The following SSH2 variants were observed in gnomAD, a reference collection of about 807,000 sequenced individuals.
The protein encoded by SSH2 is protein phosphatase Slingshot homolog 2.
Under a neutral mutation model 135.2 loss-of-function variants are expected in SSH2, and 37 were observed. The observed-to-expected ratio is 0.27, with a 90% CI of 0.21 to 0.36. The LOEUF is 0.36. Ranked by LOEUF, SSH2 falls within the 10% of genes least tolerant of loss-of-function variation. The probability of loss-of-function intolerance (pLI) is 1.00; values close to 1 mark genes in which losing one functional copy is unlikely to be tolerated. For missense variants in SSH2, 1,408 were observed against 1,765.3 expected, an observed-to-expected ratio of 0.80 and a Z score of 3.63; for synonymous variants, 628 against 646.2, an observed-to-expected ratio of 0.97 and a Z score of 0.43.
chr17:29,805,587 T>C (rs1027145876), intron 2 of SSH2, among the ~76,000 whole-genome samples: 1 of 152,204 alleles, frequency 6.6e-6, no homozygotes, highest in Non-Finnish European at 1.5e-5. Context: ...AAGGCGGATG[T>C]GTTTATCAGC....
At chr17:29,802,426 A>G (rs2042265420) in intron 2 of SSH2, among the ~76,000 whole-genome samples, 1 of 152,246 alleles carries the variant, frequency 6.6e-6, no homozygotes, top group Non-Finnish European at 1.5e-5. Flanking sequence ...TGGTGTTGGG[A>G]AATCCTTCAC....
intron 3 of SSH2, among the ~76,000 whole-genome samples, chr17:29,759,518 GA>G (rs1455199639): frequency 6.6e-6 from 1 of 152,066 alleles, no homozygotes; most frequent in Non-Finnish European, 1.5e-5. Context: ...TCCATCCCCA[GA>G]ATTTTTTCAT....
rs535906753 is a variant in SSH2, at chr17:29,663,279, G to A, written c.1032+3588C>T. On this transcript the variant is annotated intron_variant, in intron 11 of 15. Transcript: ENST00000540801. The stretch of plus-strand genomic sequence containing the variant: ...CTGTTGCCTCTCTTTACTCAATCTG[G>A]TTGAGCTCCAGGCATGGCAGCTATG... Among the ~76,000 whole-genome samples, 5 of 152,320 alleles carry A rather than the reference G, an allele frequency of 3.3e-5. No individual in the cohort carries two copies. In the East Asian group the frequency reaches 9.6e-4, roughly 29 times the overall value.
intron 3 of SSH2, among the ~76,000 whole-genome samples, chr17:29,706,730 C>G (rs915294895): frequency 5.9e-5 from 9 of 152,192 alleles, no homozygotes; most frequent in African/African-American, 2.2e-4. Context: ...ACTGTGGGTT[C>G]CAGTAAACAA....
chr17:29,647,420 C>T (rs1598714990), intron 14 of SSH2, among the ~76,000 whole-genome samples: 2 of 151,514 alleles, frequency 1.3e-5, no homozygotes, highest in African/African-American at 4.8e-5. Flanking sequence ...AGAATTTCAG[C>T]TAAGCCTCGC....
chr17:29,802,618 C>CAAA (rs74267073), intron 2 of SSH2, among the ~76,000 whole-genome samples: 17 of 57,310 alleles, frequency 3.0e-4, no homozygotes, highest in East Asian at 1.1e-3. Context: ...ACTGTTTCTA[C>CAAA]AAAAAAAAAA....
At chr17:29,770,047 T>C (rs2041535731) in intron 3 of SSH2, among the ~76,000 whole-genome samples, 1 of 151,788 alleles carries the variant, frequency 6.6e-6, no homozygotes, top group African/African-American at 2.4e-5. Flanking sequence ...ACACAATCAG[T>C]GTATCAGTGT....
intron 1 of SSH2, among the ~76,000 whole-genome samples, chr17:29,879,094 T>C (rs1028426614): frequency 1.3e-5 from 2 of 152,190 alleles, no homozygotes; most frequent in African/African-American, 4.8e-5. Flanking sequence ...AAGTATATGG[T>C]TTTAAAATTC....
rs1598888431 is a variant in SSH2, at chr17:29,728,083, C to T, written c.189-25021G>A. On this transcript the variant is annotated intron_variant, in intron 3 of 15. Coordinates refer to ENST00000540801, the MANE Select transcript of SSH2 (RefSeq NM_001282129.2). ...GGCCTCATGATACACCCACCCCAGC[C>T]TCCCAAAGTGCTGGGATTACAGGAA... 2.0e-5 allele frequency among the ~76,000 whole-genome samples: 3 copies of T among 152,208 alleles called. No individual in the cohort carries two copies. In the East Asian group the frequency reaches 5.8e-4, roughly 29 times the overall value.
chr17:29,748,524 G>GA (rs912949439), intron 3 of SSH2, among the ~76,000 whole-genome samples: 39 of 149,436 alleles, frequency 2.6e-4, no homozygotes, highest in Non-Finnish European at 4.3e-4. Context: ...ACCAAAAAGA[G>GA]AAAAAAAAAG....
At chr17:29,868,719 C>A (rs1461238145) in intron 1 of SSH2, among the ~76,000 whole-genome samples, 3 of 137,712 alleles carry the variant, frequency 2.2e-5, no homozygotes, top group Admixed American at 8.1e-5. Flanking sequence ...GGCTGGTCGA[C>A]AGAGCAAGAC....
chr17:29,915,175 T>G (rs2066859730), intron 1 of SSH2, among the ~76,000 whole-genome samples: 1 of 152,196 alleles, frequency 6.6e-6, no homozygotes, highest in Non-Finnish European at 1.5e-5. Context: ...TAGGATTCAA[T>G]AAAAACTGTA....
At chr17:29,792,566 A>G (rs2042087920) in intron 3 of SSH2, among the ~76,000 whole-genome samples, 1 of 152,180 alleles carries the variant, frequency 6.6e-6, no homozygotes, top group Non-Finnish European at 1.5e-5. Flanking sequence ...AACTACCGAT[A>G]ATCTCAGTTA....
intron 1 of SSH2, among the ~76,000 whole-genome samples, chr17:29,908,817 G>A (rs1054951526): frequency 4.3e-5 from 6 of 140,304 alleles, no homozygotes; most frequent in Admixed American, 3.7e-4. Flanking sequence ...GGTGGCTCAC[G>A]CCTGTAATCC....
intron 2 of SSH2, among the ~76,000 whole-genome samples, chr17:29,821,099 C>T (rs4474741): frequency 0.4 from 60,641 of 152,016 alleles, 14,599 homozygotes; most frequent in East Asian, 0.69. Context: ...TCATCAAAGA[C>T]TTGGCTCCTG....
chr17:29,666,099 C>T (rs937420441), intron 11 of SSH2, among the ~76,000 whole-genome samples: 3 of 152,102 alleles, frequency 2.0e-5, no homozygotes, highest in Non-Finnish European at 2.9e-5. Flanking sequence ...GGGCCAGGTG[C>T]GATGGCTCAT....
intron 1 of SSH2, among the ~76,000 whole-genome samples, chr17:29,870,207 T>C (rs2065916361): frequency 6.6e-6 from 1 of 151,870 alleles, no homozygotes; most frequent in Non-Finnish European, 1.5e-5. Flanking sequence ...TAATGGAATA[T>C]TATCTGAAAT....
At chr17:29,840,914 C>T (rs2043029446) in intron 2 of SSH2, among the ~76,000 whole-genome samples, 1 of 152,204 alleles carries the variant, frequency 6.6e-6, no homozygotes, top group Non-Finnish European at 1.5e-5. Context: ...AAGCTGGGCT[C>T]TGACCCAGAT....
At chr17:29,801,741 T>C (rs145434937) in intron 2 of SSH2, among the ~76,000 whole-genome samples, 1 of 152,338 alleles carries the variant, frequency 6.6e-6, no homozygotes, top group African/African-American at 2.4e-5. Context: ...TCTCACTCTG[T>C]GTTTAGCACA....
Sources: gnomAD v4.1 joint callset for allele counts (sites outside exome capture counted in the v4.1 genomes callset) on GRCh38, gnomAD v4.1.1 for gene constraint, MANE v1.5 for transcripts, NCBI Gene and HGNC (gene_info 2026-07-23, HGNC 2026-07-21) for gene names.